ABCD3: variants seen among roughly 807,000 people sequenced by gnomAD.
The protein encoded by ABCD3 is ATP-binding cassette sub-family D member 3.
ABCD3 carries 41 observed loss-of-function variants against 105.5 expected under a neutral mutation model. That is an observed-to-expected ratio of 0.39 (90% confidence interval 0.30 to 0.50). The LOEUF (loss-of-function observed/expected upper bound fraction) is 0.50, where lower values mean the gene tolerates loss of function less well. Among genes scored for constraint, ABCD3 ranks in the 20% least tolerant of loss-of-function variants. The pLI is 0.84. For missense variants in ABCD3, 622 were observed against 806.3 expected, an observed-to-expected ratio of 0.77 and a Z score of 2.77; for synonymous variants, 258 against 269.0, an observed-to-expected ratio of 0.96 and a Z score of 0.40.
At chr1:94,503,673 C>T (rs1302753441) in intron 20 of ABCD3, among the ~76,000 whole-genome samples, 3 of 152,140 alleles carry the variant, frequency 2.0e-5, no homozygotes, top group Non-Finnish European at 4.4e-5. Flanking sequence ...TACTTGCTGC[C>T]TCCCCTTCCT....
chr1:94,484,852 C>T (rs1570804572), intron 10 of ABCD3, among the ~76,000 whole-genome samples: 2 of 151,968 alleles, frequency 1.3e-5, no homozygotes, highest in East Asian at 3.9e-4. Context: ...TTTAGTGATT[C>T]CCACAGAAAG....
At chr1:94,491,117 G>A in intron 15 of ABCD3, 67 bp from the exon 16 acceptor site, 1 of 1,072,096 alleles carries the variant, frequency 9.3e-7, no homozygotes, top group East Asian at 2.5e-5. Context: ...TTGTATTTTT[G>A]GTATTGAGTT....
At chr1:94,468,244 T>G (rs1330196252) in intron 4 of ABCD3, among the ~76,000 whole-genome samples, 1 of 152,210 alleles carries the variant, frequency 6.6e-6, no homozygotes, top group Non-Finnish European at 1.5e-5. Context: ...CAAGCCTTGC[T>G]GAGCTGACAG....
intron 1 of ABCD3, 71 bp from the exon 2 acceptor site, chr1:94,458,536 T>A: frequency 7.4e-7 from 1 of 1,358,824 alleles, no homozygotes; most frequent in Non-Finnish European, 1.1e-6. Context: ...ATATTTGACA[T>A]CTTAAAATCA....
At chr1:94,475,505 C>A in intron 6 of ABCD3, 109 bp from the exon 7 acceptor site, 1 of 1,220,180 alleles carries the variant, frequency 8.2e-7, no homozygotes, top group Non-Finnish European at 1.2e-6. Flanking sequence ...TGGCTCCAAA[C>A]TTTTTTGTTT....
At chr1:94,512,095 GCT>G (rs1650700871) in intron 21 of ABCD3, among the ~76,000 whole-genome samples, 1 of 152,050 alleles carries the variant, frequency 6.6e-6, no homozygotes, top group African/African-American at 2.4e-5. Flanking sequence ...CAGTTTTTCT[GCT>G]CTGTTTTTTC....
chr1:94,492,421 ATTGT>A (rs1649578265), intron 16 of ABCD3, among the ~76,000 whole-genome samples: 1 of 152,206 alleles, frequency 6.6e-6, no homozygotes, highest in African/African-American at 2.4e-5. Flanking sequence ...AAAAATGAAA[ATTGT>A]TAGTTATGCA....
intron 20 of ABCD3, among the ~76,000 whole-genome samples, chr1:94,505,179 T>G (rs1263584698): frequency 6.6e-6 from 1 of 152,196 alleles, no homozygotes; most frequent in African/African-American, 2.4e-5. Context: ...TTTTTATTTT[T>G]AATTTTTTAA....
chr1:94,458,579 GCT>G (rs762609845), intron 1 of ABCD3, 26 bp from the exon 2 acceptor site: 24 of 1,595,334 alleles, frequency 1.5e-5, no homozygotes, highest in Non-Finnish European at 1.9e-5. Flanking sequence ...ATAAAGTAAA[GCT>G]CTCTCTCTCT....
intron 1 of ABCD3, among the ~76,000 whole-genome samples, chr1:94,457,760 A>C (rs1647652027): frequency 6.6e-6 from 1 of 152,044 alleles, no homozygotes; most frequent in Admixed American, 6.6e-5. Context: ...TGGTTGGCTG[A>C]AGTTATTTTG....
rs1557671497 is a variant in ABCD3, at chr1:94,458,659, A to T, written c.147+16A>T. On this transcript the variant is annotated intron_variant, in intron 2 of 22. Transcript: ENST00000370214. ...GAACAATGAGGTAAAAGTTTAAATCATCTTCTTTTTGGGATTTCATGCATT... is the reference window on the plus strand; with the variant it reads ...GAACAATGAGGTAAAAGTTTAAATCTTCTTCTTTTTGGGATTTCATGCATT... The T allele has an allele frequency of 6.2e-7, 1 of 1,607,090 alleles. No homozygotes were observed. Among genetic ancestry groups the T allele is most frequent in the Admixed American group, 1.7e-5 (1 of 59,796 alleles).
chr1:94,492,479 A>G (rs773872503), intron 16 of ABCD3, among the ~76,000 whole-genome samples: 4 of 152,186 alleles, frequency 2.6e-5, no homozygotes, highest in Non-Finnish European at 5.9e-5. Context: ...TATCGTTATC[A>G]TATTTATTCC....
chr1:94,511,058 C>T (rs949882319), intron 21 of ABCD3, among the ~76,000 whole-genome samples: 3 of 151,474 alleles, frequency 2.0e-5, no homozygotes, highest in African/African-American at 4.9e-5. Flanking sequence ...TTATTTTGCT[C>T]GTTAGTTCAT....
chr1:94,442,915 A>G (rs1466077508), intron 1 of ABCD3, among the ~76,000 whole-genome samples: 2 of 152,196 alleles, frequency 1.3e-5, no homozygotes, highest in South Asian at 2.1e-4. Context: ...GAATAGTGCT[A>G]TGATAAACAT....
chr1:94,503,749 A>G (rs1374747567), intron 20 of ABCD3, among the ~76,000 whole-genome samples: 1 of 151,396 alleles, frequency 6.6e-6, no homozygotes, highest in South Asian at 2.1e-4. Flanking sequence ...AATGCTACCC[A>G]TATATAAGTG....
At chr1:94,510,763 T>G (rs1650625273) in intron 21 of ABCD3, among the ~76,000 whole-genome samples, 1 of 152,192 alleles carries the variant, frequency 6.6e-6, no homozygotes, top group Admixed American at 6.6e-5. Flanking sequence ...TTTGTCTCTT[T>G]TGATCTTTGT....
the ABCD3 span, among the ~76,000 whole-genome samples, chr1:94,392,582 C>T: frequency 6.6e-6 from 1 of 152,118 alleles, no homozygotes; most frequent in African/African-American, 2.4e-5. Flanking sequence ...ATCTGCCATC[C>T]CATTGATCAC....
chr1:94,415,383 C>A (rs1037853258), upstream of ABCD3, among the ~76,000 whole-genome samples: 1 of 152,124 alleles, frequency 6.6e-6, no homozygotes, highest in Admixed American at 6.5e-5. Context: ...AAAATCAGAG[C>A]TCTTGGAGAT....
chr1:94,452,501 G>C (rs1647303123), intron 1 of ABCD3, among the ~76,000 whole-genome samples: 1 of 152,160 alleles, frequency 6.6e-6, no homozygotes, highest in Non-Finnish European at 1.5e-5. Context: ...GCAGGAGCCA[G>C]ATCATGAAGT....
Sources: allele counts gnomAD v4.1 joint callset (sites outside exome capture counted in the v4.1 genomes callset), GRCh38; gene constraint gnomAD v4.1.1; transcripts MANE v1.5; gene names NCBI Gene and HGNC (gene_info 2026-07-23, HGNC 2026-07-21).